The following SORCS1 variants were observed in gnomAD, a reference collection of about 807,000 sequenced individuals.
The protein encoded by SORCS1 is sortilin related VPS10 domain containing receptor 1, also known as VPS10 domain-containing receptor SorCS1.
SORCS1 carries 60 observed loss-of-function variants against 146.1 expected under a neutral mutation model. The observed-to-expected ratio is 0.41, with a 90% CI of 0.33 to 0.51. The LOEUF is 0.51. Ranked by LOEUF, SORCS1 falls within the 20% of genes least tolerant of loss-of-function variation. The pLI is 0.21. For missense variants in SORCS1, 1,352 were observed against 1,487.6 expected (o/e 0.91, Z 1.50); for synonymous variants, 637 against 584.0 (o/e 1.09, Z -1.31).
At chr10:106,753,995 A>G (rs1350690550) in intron 5 of SORCS1, among the ~76,000 whole-genome samples, 3 of 152,208 alleles carry the variant, frequency 2.0e-5, no homozygotes, top group Admixed American at 2.0e-4. Flanking sequence ...TCTCCTCTGA[A>G]AAAGAGGACT....
At chr10:106,817,235 A>G (rs1404102524) in intron 3 of SORCS1, among the ~76,000 whole-genome samples, 3 of 152,198 alleles carry the variant, frequency 2.0e-5, no homozygotes, top group African/African-American at 7.2e-5. Context: ...CACTTTAATT[A>G]TTTGAGTCAA....
chr10:107,106,909 G>A (rs1156503452), intron 1 of SORCS1, among the ~76,000 whole-genome samples: 19 of 152,278 alleles, frequency 1.2e-4, no homozygotes, highest in Admixed American at 1.2e-3. Context: ...GGCCATTTAC[G>A]TACAAGGAAG....
At chr10:106,617,069 C>T (rs931174777) in intron 21 of SORCS1, among the ~76,000 whole-genome samples, 3 of 152,020 alleles carry the variant, frequency 2.0e-5, no homozygotes, top group African/African-American at 7.2e-5. Context: ...ATTCTCCTGC[C>T]TCAGCCTCCT....
At chr10:107,030,077 G>A (rs1037030726) in intron 1 of SORCS1, among the ~76,000 whole-genome samples, 7 of 151,874 alleles carry the variant, frequency 4.6e-5, no homozygotes, top group Admixed American at 6.6e-5. Context: ...TATTTTAACC[G>A]TTTTTCTACT....
At chr10:106,898,769 T>C (rs1425095412) in intron 2 of SORCS1, among the ~76,000 whole-genome samples, 1 of 152,204 alleles carries the variant, frequency 6.6e-6, no homozygotes, top group Non-Finnish European at 1.5e-5. Context: ...TAGCTCCTAA[T>C]TGTAATGATC....
intron 4 of SORCS1, among the ~76,000 whole-genome samples, chr10:106,763,955 G>A (rs2058882789): frequency 6.6e-6 from 1 of 152,176 alleles, no homozygotes; most frequent in South Asian, 2.1e-4. Context: ...AAACACAGTA[G>A]ATGATAAAGG....
chr10:106,958,528 A>G (rs1955072712), intron 1 of SORCS1, among the ~76,000 whole-genome samples: 1 of 152,182 alleles, frequency 6.6e-6, no homozygotes, highest in African/African-American at 2.4e-5. Context: ...AGCAAACTGG[A>G]ACTCCCTGAC....
intron 22 of SORCS1, among the ~76,000 whole-genome samples, chr10:106,607,919 GC>G (rs2133388290): frequency 6.6e-6 from 1 of 152,236 alleles, no homozygotes; most frequent in African/African-American, 2.4e-5. Flanking sequence ...CTGATGACCA[GC>G]CCTGTTCCCT....
rs559392154 is a variant in SORCS1 at position 106,742,375 on chromosome 10, T to C, written c.960-12261A>G. Among the ~76,000 whole-genome samples, 3 of 144,282 alleles carry C rather than the reference T, an allele frequency of 2.1e-5. No individual in the cohort carries two copies. The East Asian group carries it at 7.0e-4, about 34-fold the overall frequency. The allele number at this position is 144,282 out of a possible 152,430, so 94.7% of individuals were successfully genotyped here. On this transcript the variant is annotated intron_variant, in intron 5 of 25. Transcript: ENST00000263054. Reference sequence around the variant, plus strand: ...ACACCTTGTACATATAGCCAGAAGATAATTTTACACAATTTTTTTTTTGAG... The same window carrying C: ...ACACCTTGTACATATAGCCAGAAGACAATTTTACACAATTTTTTTTTTGAG...
intron 1 of SORCS1, among the ~76,000 whole-genome samples, chr10:107,030,200 C>A (rs10884401): frequency 0.31 from 46,455 of 151,936 alleles, 7,456 homozygotes; most frequent in Admixed American, 0.39. Flanking sequence ...ACTTAAGTAC[C>A]AGGTGACCGC....
intron 2 of SORCS1, among the ~76,000 whole-genome samples, chr10:106,872,011 A>G (rs990443860): frequency 1.2e-4 from 18 of 152,250 alleles, no homozygotes; most frequent in Non-Finnish European, 4.4e-5. Context: ...CTGTCAATGA[A>G]ACAAATAAAG....
At chr10:106,659,716 C>T (rs1046445555) in intron 17 of SORCS1, among the ~76,000 whole-genome samples, 6 of 152,110 alleles carry the variant, frequency 3.9e-5, no homozygotes, top group African/African-American at 1.4e-4. Flanking sequence ...TGCCACTGTA[C>T]CATAGCACCA....
At chr10:106,932,215 T>A (rs987014342) in intron 2 of SORCS1, among the ~76,000 whole-genome samples, 12 of 152,118 alleles carry the variant, frequency 7.9e-5, no homozygotes, top group African/African-American at 2.7e-4. Context: ...ACAAATATAT[T>A]ATTATTTTTG....
intron 6 of SORCS1, among the ~76,000 whole-genome samples, chr10:106,710,867 T>A (rs1185905345): frequency 6.6e-6 from 1 of 152,222 alleles, no homozygotes; most frequent in Non-Finnish European, 1.5e-5. Flanking sequence ...AGACTCTTCA[T>A]TTGCATTCCC....
At position 107,091,539 on chromosome 10, in the gene SORCS1, G is replaced by C. The variant is rs112565876; in HGVS notation, c.558+72430C>G. ...GTCCCATAAACTTGGGAAGATGAAT[G>C]GAGTGTCTGTTTTAAAGTCATCTTT... On this transcript the variant is annotated intron_variant, in intron 1 of 25. Coordinates refer to ENST00000263054, the MANE Select transcript of SORCS1 (RefSeq NM_052918.5). Among the ~76,000 whole-genome samples the C allele has an allele frequency of 1.3e-3, 196 of 152,328 alleles. 4 individuals carry two copies. The highest frequency in any genetic ancestry group is 4.4e-3 in the African/African-American group (182 of 41,570).
At chr10:106,829,803 A>G in intron 2 of SORCS1, 130 bp from the exon 3 acceptor site, 1 of 547,224 alleles carries the variant, frequency 1.8e-6, no homozygotes, top group Non-Finnish European at 3.2e-6. Context: ...GTATATAATG[A>G]TGCTTAATTA....
At chr10:107,048,711 C>T (rs937474420) in intron 1 of SORCS1, among the ~76,000 whole-genome samples, 6 of 152,218 alleles carry the variant, frequency 3.9e-5, no homozygotes, top group Admixed American at 1.3e-4. Context: ...CCATTCACAT[C>T]GTAGGTGACA....
At chr10:106,667,404 T>G (rs1429167810) in intron 17 of SORCS1, 3 of 329,948 alleles carry the variant, frequency 9.1e-6, no homozygotes, top group African/African-American at 6.2e-5. Context: ...ATTAAATAGC[T>G]TGAAAACAAA....
chr10:106,885,787 G>T (rs1375149623), intron 2 of SORCS1, among the ~76,000 whole-genome samples: 1 of 152,122 alleles, frequency 6.6e-6, no homozygotes, highest in Non-Finnish European at 1.5e-5. Context: ...CACGGGAATG[G>T]TTTCCCCCAT....
Sources: gnomAD v4.1 joint callset for allele counts (sites outside exome capture counted in the v4.1 genomes callset) on GRCh38, gnomAD v4.1.1 for gene constraint, MANE v1.5 for transcripts, NCBI Gene and HGNC (gene_info 2026-07-23, HGNC 2026-07-21) for gene names.